The following ST6GAL1 variants were observed in gnomAD, a reference collection of about 807,000 sequenced individuals.
ST6GAL1 encodes the protein beta-galactoside alpha-2,6-sialyltransferase 1.
ST6GAL1 carries 20 observed loss-of-function variants against 38.0 expected under a neutral mutation model. The observed-to-expected ratio is 0.53, with a 90% CI of 0.37 to 0.77. The LOEUF (loss-of-function observed/expected upper bound fraction) is 0.77. ST6GAL1 is among the 30% of genes least tolerant of loss of function. The probability of loss-of-function intolerance (pLI) is 0.00; values close to 1 mark genes in which losing one functional copy is unlikely to be tolerated. For missense variants in ST6GAL1, 432 were observed against 496.4 expected, an observed-to-expected ratio of 0.87 and a Z score of 1.23; for synonymous variants, 196 against 188.2, an observed-to-expected ratio of 1.04 and a Z score of -0.34.
chr3:186,970,585 C>T (rs1236543307), intron 2 of ST6GAL1, among the ~76,000 whole-genome samples: 1 of 149,600 alleles, frequency 6.7e-6, no homozygotes, highest in Non-Finnish European at 1.5e-5. Flanking sequence ...TGTCACCCTG[C>T]CCCCACCTCT....
At chr3:187,066,129 G>A (rs997083090) in intron 5 of ST6GAL1, among the ~76,000 whole-genome samples, 7 of 152,180 alleles carry the variant, frequency 4.6e-5, no homozygotes, top group South Asian at 2.1e-4. Flanking sequence ...TAAAACCAGC[G>A]ATGGTGAGCT....
chr3:186,991,789 T>A lies in ST6GAL1; in HGVS notation c.-183+27863T>A, dbSNP rs529133737. 2.6e-5 allele frequency among the ~76,000 whole-genome samples: 4 copies of A among 152,226 alleles called. No individual in the cohort carries two copies. In the South Asian group the frequency reaches 8.3e-4, roughly 32 times the overall value. On this transcript the variant is annotated intron_variant, in intron 2 of 7. Transcript: ENST00000169298. ...CCACTGCTGGGGGCAGAGGTGGAGA[T>A]GTTGAGCTTGTGGGCAGGAATAAGT... is the stretch of plus-strand genomic sequence containing the variant.
intron 4 of ST6GAL1, among the ~76,000 whole-genome samples, chr3:187,044,925 C>T (rs918586296): frequency 2.0e-5 from 3 of 152,182 alleles, no homozygotes; most frequent in African/African-American, 7.2e-5. Flanking sequence ...TTCGAATGTT[C>T]TGCTGTTATG....
chr3:186,989,433 G>A (rs919491497), intron 2 of ST6GAL1, among the ~76,000 whole-genome samples: 16 of 152,370 alleles, frequency 1.1e-4, no homozygotes, highest in Middle Eastern at 6.8e-3. Context: ...CATTATTACA[G>A]ATGTGGAAGT....
intron 1 of ST6GAL1, among the ~76,000 whole-genome samples, chr3:186,935,817 G>C (rs1471804839): frequency 1.3e-5 from 2 of 152,144 alleles, no homozygotes; most frequent in East Asian, 1.9e-4. Flanking sequence ...GTAAAGCAAG[G>C]CCTGCCAAAC....
intron 2 of ST6GAL1, among the ~76,000 whole-genome samples, chr3:186,996,308 C>T (rs996702557): frequency 6.6e-6 from 1 of 152,114 alleles, no homozygotes; most frequent in African/African-American, 2.4e-5. Flanking sequence ...TAGAAATAAT[C>T]CGGATCTTAT....
chr3:186,978,944 G>C (rs1031866713), intron 2 of ST6GAL1, among the ~76,000 whole-genome samples: 2 of 151,606 alleles, frequency 1.3e-5, no homozygotes, highest in African/African-American at 4.8e-5. Context: ...TCAAAACCCA[G>C]GATGAACTTT....
At chr3:187,008,832 C>A (rs572914937) in intron 2 of ST6GAL1, among the ~76,000 whole-genome samples, 1 of 151,912 alleles carries the variant, frequency 6.6e-6, no homozygotes, top group Non-Finnish European at 1.5e-5. Context: ...TGTGAATATG[C>A]GTTTCTCTTT....
At chr3:186,969,569 A>G (rs1715279375) in intron 2 of ST6GAL1, among the ~76,000 whole-genome samples, 1 of 152,214 alleles carries the variant, frequency 6.6e-6, no homozygotes, top group Non-Finnish European at 1.5e-5. Context: ...TATATTCTAC[A>G]GATAAGTCCT....
intron 2 of ST6GAL1, among the ~76,000 whole-genome samples, chr3:186,973,128 T>C (rs1263150604): frequency 1.3e-5 from 2 of 152,170 alleles, no homozygotes; most frequent in African/African-American, 4.8e-5. Context: ...CTCCGCCTCC[T>C]GGGTTCAAGT....
At chr3:187,042,574 TGCTCAGTCCATC>T in intron 3 of ST6GAL1, 68 bp from the exon 4 acceptor site, 1 of 1,312,148 alleles carries the variant, frequency 7.6e-7, no homozygotes, top group Non-Finnish European at 1.0e-6. Flanking sequence ...TCAAATCTAT[TGCTCAGTCCATC>T]GCTCCGCCTC....
intron 1 of ST6GAL1, among the ~76,000 whole-genome samples, chr3:186,941,884 T>C (rs1345444310): frequency 6.6e-6 from 1 of 151,818 alleles, no homozygotes; most frequent in East Asian, 1.9e-4. Flanking sequence ...TGGTTGTGGG[T>C]GGCTGTAGTC....
At chr3:186,955,644 A>T (rs944705933) in intron 1 of ST6GAL1, among the ~76,000 whole-genome samples, 2 of 152,132 alleles carry the variant, frequency 1.3e-5, no homozygotes, top group African/African-American at 2.4e-5. Context: ...TTGGGACTAC[A>T]GGTGCGTGCC....
At chr3:187,031,237 G>A (rs1051779924) in intron 2 of ST6GAL1, among the ~76,000 whole-genome samples, 5 of 152,220 alleles carry the variant, frequency 3.3e-5, no homozygotes, top group Admixed American at 1.3e-4. Context: ...GAACAGCACA[G>A]GAAACCACAC....
At chr3:187,057,975 T>G (rs1718770703) in intron 5 of ST6GAL1, among the ~76,000 whole-genome samples, 1 of 152,182 alleles carries the variant, frequency 6.6e-6, no homozygotes, top group South Asian at 2.1e-4. Context: ...AGGGCTGCTT[T>G]GTTTACCTAC....
intron 2 of ST6GAL1, among the ~76,000 whole-genome samples, chr3:186,973,399 A>T (rs1008746643): frequency 6.6e-6 from 1 of 152,200 alleles, no homozygotes; most frequent in African/African-American, 2.4e-5. Context: ...AGGAAGAGGC[A>T]GGAGGAGGAT....
At chr3:186,977,619 G>T (rs1413868147) in intron 2 of ST6GAL1, among the ~76,000 whole-genome samples, 1 of 152,174 alleles carries the variant, frequency 6.6e-6, no homozygotes, top group African/African-American at 2.4e-5. Flanking sequence ...AAGGCAACTT[G>T]GAAGGAACTG....
chr3:186,999,736 A>C (rs897348263), intron 2 of ST6GAL1, among the ~76,000 whole-genome samples: 1 of 152,138 alleles, frequency 6.6e-6, no homozygotes, highest in Non-Finnish European at 1.5e-5. Flanking sequence ...ATGGAGGGTA[A>C]GTGGAGTAGG....
intron 2 of ST6GAL1, among the ~76,000 whole-genome samples, chr3:187,027,636 C>T: frequency 6.6e-6 from 1 of 152,020 alleles, no homozygotes; most frequent in East Asian, 1.9e-4. Context: ...AAAAAATTTT[C>T]AAAGGCTTCC....
Sources: gnomAD v4.1 joint callset for allele counts (sites outside exome capture counted in the v4.1 genomes callset) on GRCh38, gnomAD v4.1.1 for gene constraint, MANE v1.5 for transcripts, NCBI Gene and HGNC (gene_info 2026-07-23, HGNC 2026-07-21) for gene names.